The following FAAP100 variants were observed in gnomAD, a reference collection of about 807,000 sequenced individuals.
The protein encoded by FAAP100 is Fanconi anemia core complex-associated protein 100.
Under a neutral mutation model 65.8 loss-of-function variants are expected in FAAP100, and 46 were observed. That is an observed-to-expected ratio of 0.70 (90% CI 0.55 to 0.89). The LOEUF is 0.89. Among genes scored for constraint, FAAP100 ranks in the 40% least tolerant of loss-of-function variants. FAAP100 has a pLI of 0.00. For missense variants in FAAP100, 1,165 were observed against 1,196.7 expected (o/e 0.97, Z 0.39); for synonymous variants, 663 against 555.1 (o/e 1.19, Z -2.73).
chr17:81,541,768 G>A (rs552032932), intron 7 of FAAP100, among the ~76,000 whole-genome samples: 16 of 152,256 alleles, frequency 1.1e-4, no homozygotes, highest in Non-Finnish European at 1.5e-4. Context: ...GACCAGCCAG[G>A]GAGCTGCCTC....
rs1464826988 is a variant in FAAP100 at position 81,547,116 on chromosome 17, G to A, written c.1966C>T (p.Pro656Ser). The change falls in exon 5 of 9, where the codon CCT (proline) becomes TCT (serine). Residue 656 changes from proline (P) to serine (S), a missense_variant. By Grantham distance (74) the Pro-to-Ser change is moderately conservative. Transcript: ENST00000327787. The stretch of plus-strand genomic sequence containing the variant: ...CGTGTGTGTGGCGGGGCCAGGCCAG[G>A]GAAGCGCAGACACTGCAGCATGTCC... ...TVDMLQCLRF[P>S]GLAPPHTRAP... 6.5e-7 allele frequency: 1 copy of A among 1,527,402 alleles called. No individual in the cohort carries two copies. Among genetic ancestry groups the A allele is most frequent in the South Asian group, 1.3e-5 (1 of 78,910 alleles). 94.6% of individuals were successfully genotyped at this position (1,527,402 alleles called of 1,614,324 possible).
At chr17:81,549,948 C>T (rs544085994) in intron 3 of FAAP100, among the ~76,000 whole-genome samples, 9 of 152,298 alleles carry the variant, frequency 5.9e-5, no homozygotes, top group East Asian at 3.9e-4. Context: ...GCCCAGGAGG[C>T]GCTTGCGGTG....
Position 81,550,915 on chromosome 17 carries a change from G to T in FAAP100, c.579C>A (p.Phe193Leu), listed in dbSNP as rs867120775. ...GVPGKPAAPH[F>L]LPVLCSVSPS... ...GTGACACAGAGCACAGCACTGGAAG[G>T]AAGTGGGGGGCTGCAGGCTTTCCTG... is the stretch of plus-strand genomic sequence containing the variant. Residue 193 changes from phenylalanine (F) to leucine (L), a missense_variant, in exon 3 of 9, where the codon TTC (phenylalanine) becomes TTA (leucine). Coordinates refer to ENST00000327787, the MANE Select transcript of FAAP100 (RefSeq NM_025161.6). 1 of 1,612,436 alleles carries T rather than the reference G, an allele frequency of 6.2e-7. No individual in the cohort carries two copies. The highest frequency in any genetic ancestry group is 8.5e-7 in the Non-Finnish European group (1 of 1,179,846).
At position 81,547,215 on chromosome 17, in the gene FAAP100, A is replaced by G; in HGVS notation, c.1867T>C (p.Phe623Leu). ...ALAPSDSEDP[F>L]LDECPSDVLP... ...ACGTCGGAGGGGCACTCATCCAGAA[A>G]GGGGTCCTCAGAGTCTGAGGGGGCA... Residue 623 changes from phenylalanine (F) to leucine (L), a missense_variant, in exon 5 of 9, where the codon TTT (phenylalanine) becomes CTT (leucine). Phe to Leu is a conservative substitution (Grantham distance 22). Coordinates refer to ENST00000327787, the MANE Select transcript of FAAP100 (RefSeq NM_025161.6). 2 of 1,569,452 alleles carry G rather than the reference A, an allele frequency of 1.3e-6. No individual in the cohort carries two copies. Among genetic ancestry groups the G allele is most frequent in the Non-Finnish European group, 1.7e-6 (2 of 1,155,200 alleles).
chr17:81,544,154 T>C (rs2033213996), intron 6 of FAAP100, 34 bp from the exon 7 acceptor site: 9 of 1,549,714 alleles, frequency 5.8e-6, no homozygotes, highest in African/African-American at 1.4e-5. Flanking sequence ...TGCCTGCCTG[T>C]GGCACTCCCA....
intron 8 of FAAP100, 140 bp from the exon 9 acceptor site, chr17:81,541,090 T>A: frequency 8.1e-7 from 1 of 1,234,236 alleles, no homozygotes; most frequent in African/African-American, 1.5e-5. Context: ...TCCGGAACCT[T>A]AAAACATGGG....
Position 81,552,111 on chromosome 17 carries a change from C to G in FAAP100, c.165+55G>C, listed in dbSNP as rs2033519340. On this transcript the variant is annotated intron_variant, in intron 1 of 8. Coordinates refer to ENST00000327787, the MANE Select transcript of FAAP100 (RefSeq NM_025161.6). ...CGCGCGGGCCCGCGGTCTTCATTTT[C>G]ACGCGAACCGCCGCCCCCGCCCGGT... 68 of 1,465,808 alleles carry G rather than the reference C, an allele frequency of 4.6e-5. 1 individual carries two copies. In the South Asian group the frequency reaches 8.9e-4, roughly 19 times the overall value. The allele number at this position is 1,465,808 out of a possible 1,614,324, so 90.8% of individuals were successfully genotyped here.
At chr17:81,543,108 G>A (rs994890796) in intron 7 of FAAP100, among the ~76,000 whole-genome samples, 1 of 152,248 alleles carries the variant, frequency 6.6e-6, no homozygotes, top group African/African-American at 2.4e-5. Flanking sequence ...ATGGTGCTGC[G>A]TGAGTTGATG....
At chr17:81,543,935 G>A (rs2033204426) in intron 7 of FAAP100, 69 bp downstream of exon 7, 2 of 1,396,558 alleles carry the variant, frequency 1.4e-6, no homozygotes, top group Admixed American at 1.8e-5. Context: ...AGCAGCTACA[G>A]GGTCCCATGC....
At chr17:81,545,602 CTG>C in intron 6 of FAAP100, 142 bp downstream of exon 6, 1 of 1,178,408 alleles carries the variant, frequency 8.5e-7, no homozygotes, top group Non-Finnish European at 1.2e-6. Context: ...CGAGGGGAAA[CTG>C]TCATATCAGA....
chr17:81,548,230 C>T (rs1255583568), intron 4 of FAAP100: 1 of 559,334 alleles, frequency 1.8e-6, no homozygotes, highest in Admixed American at 3.0e-5. Flanking sequence ...AGTGTGTTCT[C>T]TCTGAACGTC....
At position 81,549,336 on chromosome 17, in the gene FAAP100, C is replaced by T. The variant is rs368942385; in HGVS notation, c.1273G>A (p.Ala425Thr). The part of the protein sequence containing the change: ...EGGTKLLALS[A>T]KGRLMTCSLD... ...CTGCAGGTCATCAGGCGGCCTTTGG[C>T]GGACAGGGCCAGGAGCTTGGTGCCA... is the stretch of plus-strand genomic sequence containing the variant. The change falls in exon 4 of 9, where the codon GCC becomes ACC. Residue 425 changes from alanine to threonine, a missense_variant. Physicochemically the swap from Ala to Thr is moderately conservative, Grantham distance 58. Transcript: ENST00000327787. 1.1e-5 allele frequency: 17 copies of T among 1,611,176 alleles called. No homozygotes were observed. Among genetic ancestry groups the T allele is most frequent in the African/African-American group, 4.0e-5 (3 of 75,026 alleles).
At position 81,550,571 on chromosome 17, in the gene FAAP100, T is replaced by G; in HGVS notation, c.923A>C (p.His308Pro). 2 of 1,612,802 alleles carry G rather than the reference T, an allele frequency of 1.2e-6. No individual in the cohort carries two copies. Among genetic ancestry groups the G allele is most frequent in the Non-Finnish European group, 8.5e-7 (1 of 1,179,926 alleles). The change falls in exon 3 of 9, where the codon CAC becomes CCC. Residue 308 changes from histidine to proline, a missense_variant. His to Pro is a moderately conservative substitution (Grantham distance 77). Transcript: ENST00000327787. The stretch of plus-strand genomic sequence containing the variant: ...ACCAAAGGCCACCAGGCAGTCACAG[T>G]GCACATCCTCGTCAGGCAGAAAATT... ...AENFLPDEDV[H>P]CDCLVAFGHH...
chr17:81,547,422 G>A lies in FAAP100; in HGVS notation c.1660C>T (p.Leu554Phe), dbSNP rs1313663336. The A allele has an allele frequency of 1.9e-6, 3 of 1,612,850 alleles. No homozygotes were observed. Among genetic ancestry groups the A allele is most frequent in the Non-Finnish European group, 2.5e-6 (3 of 1,180,042 alleles). Residue 554 changes from leucine (L) to phenylalanine (F), a missense_variant, in exon 5 of 9, where the codon CTC (leucine) becomes TTC (phenylalanine). Physicochemically the swap from Leu to Phe is conservative, Grantham distance 22. Transcript: ENST00000327787. Reference sequence around the variant, plus strand: ...GCGGAGCAGGCCGAGTCCAGGTCGAGAGCACAGGAGCTGGTGAGCACCTGG... The same window carrying A: ...GCGGAGCAGGCCGAGTCCAGGTCGAAAGCACAGGAGCTGGTGAGCACCTGG... The part of the protein sequence containing the change: ...CIQVLTSSCA[L>F]DLDSACSAIT...
intron 2 of FAAP100, 167 bp downstream of exon 2, chr17:81,551,761 A>T: frequency 7.3e-7 from 1 of 1,365,588 alleles, no homozygotes; most frequent in Non-Finnish European, 9.4e-7. Flanking sequence ...ACTTGCAGAA[A>T]GAGTGCTGGG....
Position 81,539,994 on chromosome 17 carries a change from T to A in FAAP100, c.*825A>T, listed in dbSNP as rs1038399107. Reference sequence around the variant, plus strand: ...TGCAGCGGGAGCGGCGCGAGCACCCTCCCCAGATGAAAACACCAGCACCAG... The same window carrying A: ...TGCAGCGGGAGCGGCGCGAGCACCCACCCCAGATGAAAACACCAGCACCAG... On this transcript the variant is annotated 3_prime_UTR_variant, in exon 9 of 9. Coordinates refer to ENST00000327787, the MANE Select transcript of FAAP100 (RefSeq NM_025161.6). 1 of 398,482 alleles carries A rather than the reference T, an allele frequency of 2.5e-6. No individual in the cohort carries two copies. The allele number at this position is 398,482 out of a possible 1,614,324, so 24.7% of individuals were successfully genotyped here. A position where few individuals can be genotyped will look rare whatever the true frequency, so the allele number is the denominator to read the frequency against.
chr17:81,546,818 C>T, intron 5 of FAAP100, 91 bp downstream of exon 5: 6 of 1,261,350 alleles, frequency 4.8e-6, no homozygotes, highest in Non-Finnish European at 6.2e-6. Context: ...TGCACCACTG[C>T]ACTCCAGCCT....
intron 5 of FAAP100, among the ~76,000 whole-genome samples, chr17:81,546,226 A>T (rs1395657783): frequency 6.6e-6 from 1 of 152,192 alleles, no homozygotes; most frequent in Non-Finnish European, 1.5e-5. Flanking sequence ...ACCCCAGGGG[A>T]TGGCTGCGGC....
rs776922945 is a variant in FAAP100, at chr17:81,550,480, C to A, written c.1014G>T (p.Leu338=). The A allele has an allele frequency of 6.2e-7, 1 of 1,612,486 alleles. No individual in the cohort carries two copies. The highest frequency in any genetic ancestry group is 1.3e-5 in the African/African-American group (1 of 74,952). ...WDESGKLVPE[L]REYCLPGPVL... Reference sequence around the variant, plus strand: ...CAGGGCCTGGGAGGCAGTACTCCCGCAGCTCGGGCACCAGCTTCCCGGACT... The same window carrying A: ...CAGGGCCTGGGAGGCAGTACTCCCGAAGCTCGGGCACCAGCTTCCCGGACT... Residue 338 remains leucine, a synonymous_variant, in exon 3 of 9, where the codon CTG becomes CTT. Coordinates refer to ENST00000327787, the MANE Select transcript of FAAP100 (RefSeq NM_025161.6).
Sources: allele counts gnomAD v4.1 joint callset (sites outside exome capture counted in the v4.1 genomes callset), GRCh38; gene constraint gnomAD v4.1.1; transcripts MANE v1.5; gene names NCBI Gene and HGNC (gene_info 2026-07-23, HGNC 2026-07-21).